Variants in SIRT1 observed in about 807,000 individuals in gnomAD.
The protein encoded by SIRT1 is NAD-dependent protein deacetylase sirtuin-1.
SIRT1 carries 24 observed loss-of-function variants against 67.9 expected under a neutral mutation model. That is an observed-to-expected ratio of 0.35 (90% CI 0.26 to 0.50). The LOEUF (loss-of-function observed/expected upper bound fraction) is 0.50. Ranked by LOEUF, SIRT1 falls within the 20% of genes least tolerant of loss-of-function variation. SIRT1 has a pLI of 0.98. For missense variants in SIRT1, 873 were observed against 937.2 expected (o/e 0.93, Z 0.89); for synonymous variants, 378 against 350.7 (o/e 1.08, Z -0.87).
In SIRT1 at chr10:67,912,467, A is replaced by G. The variant is rs1265106585; in HGVS notation, c.1358-7A>G. Reference sequence around the variant, plus strand: ...TTTTCTAACTCTTATTTTTCACCCTATTTTAGGTTCCATACCCCATGAAGT... The same window carrying G: ...TTTTCTAACTCTTATTTTTCACCCTGTTTTAGGTTCCATACCCCATGAAGT... On this transcript the variant is annotated splice_region_variant and splice_polypyrimidine_tract_variant and intron_variant, in intron 7 of 8. Transcript: ENST00000212015. 2 of 1,584,706 alleles carry G rather than the reference A, an allele frequency of 1.3e-6. No individual in the cohort carries two copies. The highest frequency in any genetic ancestry group is 1.9e-5 in the Admixed American group (1 of 53,056).
At chr10:67,901,455 A>G (rs909114774) in intron 4 of SIRT1, among the ~76,000 whole-genome samples, 2 of 152,158 alleles carry the variant, frequency 1.3e-5, no homozygotes, top group African/African-American at 4.8e-5. Context: ...GCATCGGGGT[A>G]TATGTTCACA....
chr10:67,886,667 TTG>T (rs1020690496), intron 1 of SIRT1, among the ~76,000 whole-genome samples: 2 of 151,200 alleles, frequency 1.3e-5, no homozygotes, highest in Admixed American at 6.6e-5. Flanking sequence ...CTAATAATAA[TTG>T]TGTTATTAAT....
At position 67,889,139 on chromosome 10, in the gene SIRT1, A is replaced by T; in HGVS notation, c.789+16A>T. ...TGGAGCTGGGGTATGTAAGACTAGT[A>T]CATGGGGAGGTCGTATATGTATTTT... On this transcript the variant is annotated intron_variant, in intron 3 of 8. Transcript: ENST00000212015. 1 of 1,579,092 alleles carries T rather than the reference A, an allele frequency of 6.3e-7. No homozygotes were observed. Among genetic ancestry groups the T allele is most frequent in the Non-Finnish European group, 8.5e-7 (1 of 1,171,848 alleles).
At chr10:67,897,775 G>T (rs1361908237) in intron 4 of SIRT1, among the ~76,000 whole-genome samples, 1 of 151,786 alleles carries the variant, frequency 6.6e-6, no homozygotes, top group Non-Finnish European at 1.5e-5. Flanking sequence ...TGGGATTACA[G>T]GCGTGAGCCA....
Position 67,916,995 on chromosome 10 carries a change from A to T in SIRT1, c.*402A>T, listed in dbSNP as rs917077815. The T allele has an allele frequency of 6.5e-6, 1 of 153,634 alleles. No homozygotes were observed. Among genetic ancestry groups the T allele is most frequent in the African/African-American group, 2.4e-5 (1 of 41,512 alleles). 9.5% of individuals were successfully genotyped at this position (153,634 alleles called of 1,614,324 possible). A position where few individuals can be genotyped will look rare whatever the true frequency, so the allele number is the denominator to read the frequency against. On this transcript the variant is annotated 3_prime_UTR_variant, in exon 9 of 9. Coordinates refer to ENST00000212015, the MANE Select transcript of SIRT1 (RefSeq NM_012238.5). ...TTAATGTAAAGGGAACAGCTAATCT[A>T]GACCAAAGAATGGTATTTTCACTTT...
At chr10:67,898,785 G>A (rs1245839414) in intron 4 of SIRT1, among the ~76,000 whole-genome samples, 1 of 152,136 alleles carries the variant, frequency 6.6e-6, no homozygotes, top group African/African-American at 2.4e-5. Flanking sequence ...GCAGTGAGCT[G>A]TGACCTCACC....
At chr10:67,905,243 G>A (rs536084000) in intron 4 of SIRT1, among the ~76,000 whole-genome samples, 59 of 152,256 alleles carry the variant, frequency 3.9e-4, no homozygotes, top group African/African-American at 1.4e-3. Context: ...AAATGTAAAT[G>A]TACTAGAACA....
At chr10:67,888,792 T>C (rs775602260) in intron 2 of SIRT1, 90 bp from the exon 3 acceptor site, 20 of 1,446,826 alleles carry the variant, frequency 1.4e-5, no homozygotes, top group Non-Finnish European at 1.8e-5. Context: ...CAAAAAACCC[T>C]CACAGAATGC....
chr10:67,916,772 G>A lies in SIRT1; in HGVS notation c.*179G>A, dbSNP rs2029927296. 2 of 411,446 alleles carry A rather than the reference G, an allele frequency of 4.9e-6. No individual in the cohort carries two copies. Among genetic ancestry groups the A allele is most frequent in the South Asian group, 1.5e-4 (2 of 13,782 alleles). The allele number at this position is 411,446 out of a possible 1,614,324, so 25.5% of individuals were successfully genotyped here. ...TTTTAACTTCATTATTTCTGTACTT[G>A]TACAAACTCAACACTAACTTTTTTT... On this transcript the variant is annotated 3_prime_UTR_variant, in exon 9 of 9. Transcript: ENST00000212015.
At position 67,916,715 on chromosome 10, in the gene SIRT1, GT is replaced by G; in HGVS notation, c.*124del. On this transcript the variant is annotated 3_prime_UTR_variant, in exon 9 of 9. Coordinates refer to ENST00000212015, the MANE Select transcript of SIRT1 (RefSeq NM_012238.5). ...AACCAGAAAGGTGTAATATTTATAG[GT>G]TGGTAAAATAGATTGTTTTTCATGG... 1 of 692,608 alleles carries G rather than the reference GT, an allele frequency of 1.4e-6. No individual in the cohort carries two copies. The allele number at this position is 692,608 out of a possible 1,614,324, so 42.9% of individuals were successfully genotyped here. A position where few individuals can be genotyped will look rare whatever the true frequency, so the allele number is the denominator to read the frequency against.
chr10:67,913,198 CATGAT>C (rs1842925219), intron 8 of SIRT1, among the ~76,000 whole-genome samples, 167 bp downstream of exon 8: 1 of 152,136 alleles, frequency 6.6e-6, no homozygotes, highest in Admixed American at 6.5e-5. Context: ...GGTATCTTAA[CATGAT>C]ATGGAGAAGG....
At chr10:67,888,701 C>T (rs906957702) in intron 2 of SIRT1, among the ~76,000 whole-genome samples, 181 bp from the exon 3 acceptor site, 3 of 152,138 alleles carry the variant, frequency 2.0e-5, no homozygotes, top group African/African-American at 7.2e-5. Flanking sequence ...TTCATTAGAT[C>T]TTCCTAATCT....
intron 2 of SIRT1, among the ~76,000 whole-genome samples, chr10:67,888,447 C>T (rs192001040): frequency 6.3e-4 from 96 of 152,020 alleles, no homozygotes; most frequent in East Asian, 3.7e-3. Context: ...GAAAAATTAC[C>T]GGAAAAAAAT....
Position 67,913,038 on chromosome 10 carries a change from A to G in SIRT1, c.1915+7A>G. The G allele has an allele frequency of 6.3e-7, 1 of 1,583,958 alleles. No homozygotes were observed. The highest frequency in any genetic ancestry group is 8.5e-7 in the Non-Finnish European group (1 of 1,169,790). On this transcript the variant is annotated splice_region_variant and intron_variant, in intron 8 of 8. Coordinates refer to ENST00000212015, the MANE Select transcript of SIRT1 (RefSeq NM_012238.5). ...ATTAGTAGGCGGCTTGATGGTAAGA[A>G]AGGCAGTCGGACCATTTTGAAAGTA...
intron 8 of SIRT1, among the ~76,000 whole-genome samples, chr10:67,914,371 C>T (rs1302585703): frequency 5.9e-5 from 9 of 152,028 alleles, no homozygotes; most frequent in Non-Finnish European, 7.4e-5. Flanking sequence ...CGCCCAGCCC[C>T]AAAAGGTAGA....
At chr10:67,906,038 C>T (rs994633927) in intron 4 of SIRT1, 85 of 789,640 alleles carry the variant, frequency 1.1e-4, no homozygotes, top group Middle Eastern at 2.8e-4. Flanking sequence ...AATAAACTTC[C>T]TTTGCCATAG....
intron 8 of SIRT1, among the ~76,000 whole-genome samples, chr10:67,913,550 A>G (rs1295656639): frequency 1.3e-5 from 2 of 152,224 alleles, no homozygotes; most frequent in African/African-American, 4.8e-5. Context: ...CTGAGGACTT[A>G]GAAAAAACAC....
Position 67,917,805 on chromosome 10 carries a change from G to T in SIRT1, c.*1212G>T, listed in dbSNP as rs200719936. The T allele has an allele frequency of 6.6e-6, 1 of 152,556 alleles. No individual in the cohort carries two copies. 9.5% of individuals were successfully genotyped at this position (152,556 alleles called of 1,614,324 possible). On this transcript the variant is annotated 3_prime_UTR_variant, in exon 9 of 9. Transcript: ENST00000212015. ...TTATCTTTATTTAAAAGCTTAGCCT[G>T]CCTTAAAACTAGAGATCAACTTTCT...
At chr10:67,887,621 G>T in intron 2 of SIRT1, 88 bp downstream of exon 2, 1 of 849,804 alleles carries the variant, frequency 1.2e-6, no homozygotes, top group South Asian at 1.5e-5. Flanking sequence ...TTGTTGCGGA[G>T]GCTGGAGTGC....
Sources: allele counts gnomAD v4.1 joint callset (sites outside exome capture counted in the v4.1 genomes callset), GRCh38; gene constraint gnomAD v4.1.1; transcripts MANE v1.5; gene names NCBI Gene and HGNC (gene_info 2026-07-23, HGNC 2026-07-21).